The following STPG2 variants were observed in gnomAD, a reference collection of about 807,000 sequenced individuals.
STPG2 encodes the protein sperm tail PG-rich repeat containing 2.
A neutral mutation model predicts 54.2 loss-of-function variants in STPG2; 56 were observed. That is an observed-to-expected ratio of 1.03 (90% CI 0.83 to 1.29). STPG2 has a LOEUF of 1.29. STPG2 is among the 50% of genes most tolerant of loss of function. The pLI is 0.00. For synonymous variants in STPG2, 200 were observed against 181.8 expected (o/e 1.10, Z -0.81); for missense variants, 596 against 544.9 (o/e 1.09, Z -0.93).
At chr4:98,053,474 A>T (rs1737388535) in intron 5 of STPG2, among the ~76,000 whole-genome samples, 1 of 152,144 alleles carries the variant, frequency 6.6e-6, no homozygotes, top group Admixed American at 6.6e-5. Context: ...TATTAGAGCC[A>T]TTAACTATAG....
intron 8 of STPG2, among the ~76,000 whole-genome samples, chr4:97,940,699 T>C (rs1732943187): frequency 6.6e-6 from 1 of 152,200 alleles, no homozygotes; most frequent in Non-Finnish European, 1.5e-5. Flanking sequence ...TCAGCTCCTG[T>C]ATCACTTTAT....
intron 5 of STPG2, chr4:98,026,281 C>T: frequency 1.3e-6 from 1 of 741,734 alleles, no homozygotes; most frequent in Non-Finnish European, 2.3e-6. Context: ...AAACAATTTT[C>T]TATGAAGATT....
At chr4:97,542,547 T>C (rs974850308) in intron 4 of STPG2, among the ~76,000 whole-genome samples, 7 of 152,222 alleles carry the variant, frequency 4.6e-5, no homozygotes, top group Non-Finnish European at 8.8e-5. Flanking sequence ...TCAACCATTA[T>C]GGAAGACAGT....
At chr4:97,451,702 T>C (rs1269906974) in intron 4 of STPG2, among the ~76,000 whole-genome samples, 1 of 152,162 alleles carries the variant, frequency 6.6e-6, no homozygotes, top group Non-Finnish European at 1.5e-5. Context: ...CAAAGGATTA[T>C]AAGACAAATC....
At chr4:97,546,523 A>G (rs1341782746) in intron 4 of STPG2, among the ~76,000 whole-genome samples, 2 of 152,152 alleles carry the variant, frequency 1.3e-5, no homozygotes, top group Admixed American at 1.3e-4. Context: ...CAGTAATCTG[A>G]TAAGTTAGAA....
intron 8 of STPG2, among the ~76,000 whole-genome samples, chr4:97,934,230 T>G (rs188625077): frequency 2.0e-5 from 3 of 152,338 alleles, no homozygotes; most frequent in Non-Finnish European, 2.9e-5. Flanking sequence ...GAGACTTTGC[T>G]GAAGTTCCTT....
At chr4:98,125,466 T>C (rs60411337) in intron 3 of STPG2, among the ~76,000 whole-genome samples, 59,704 of 151,570 alleles carry the variant, frequency 0.39, 11,948 homozygotes, top group Middle Eastern at 0.45. Context: ...ACACCCTATT[T>C]GCCTAGGTCC....
chr4:97,926,470 T>G (rs1325841334), intron 8 of STPG2, among the ~76,000 whole-genome samples: 4 of 152,148 alleles, frequency 2.6e-5, no homozygotes, highest in Non-Finnish European at 4.4e-5. Flanking sequence ...TGCTTTTATA[T>G]CTCTGCCATC....
chr4:97,512,455 C>T (rs1344579503), intron 4 of STPG2, among the ~76,000 whole-genome samples: 2 of 152,020 alleles, frequency 1.3e-5, no homozygotes, highest in African/African-American at 2.4e-5. Context: ...AGCTTGGAAG[C>T]ACTTGGGAAA....
chr4:97,968,095 A>C (rs989886262), intron 7 of STPG2, among the ~76,000 whole-genome samples: 2 of 152,290 alleles, frequency 1.3e-5, no homozygotes, highest in East Asian at 1.9e-4. Context: ...AAGATCAACA[A>C]AATTGAGACA....
At chr4:97,822,838 G>A (rs1313056676) in intron 9 of STPG2, among the ~76,000 whole-genome samples, 3 of 152,126 alleles carry the variant, frequency 2.0e-5, no homozygotes, top group African/African-American at 7.2e-5. Context: ...TTCCCACCAG[G>A]CACCATCTCC....
At chr4:97,446,597 A>C (rs1729227488) in intron 4 of STPG2, among the ~76,000 whole-genome samples, 1 of 152,158 alleles carries the variant, frequency 6.6e-6, no homozygotes, top group African/African-American at 2.4e-5. Flanking sequence ...GGGAGGGACC[A>C]GGTGGGAGGT....
intron 10 of STPG2, among the ~76,000 whole-genome samples, chr4:97,658,636 G>A (rs563356379): frequency 1.1e-3 from 165 of 152,300 alleles, no homozygotes; most frequent in African/African-American, 3.9e-3. Flanking sequence ...AAAGAAAGAG[G>A]CCAAGAGAGA....
intron 5 of STPG2, among the ~76,000 whole-genome samples, chr4:97,992,950 G>C (rs1735068102): frequency 6.6e-6 from 1 of 152,138 alleles, no homozygotes; most frequent in South Asian, 2.1e-4. Flanking sequence ...AAACTTTGCT[G>C]AATTCATTTA....
Position 97,902,046 on chromosome 4 carries a change from A to G in STPG2, c.1044+41851T>C, listed in dbSNP as rs532195200. Among the ~76,000 whole-genome samples, 149 of 152,256 alleles carry G rather than the reference A, an allele frequency of 9.8e-4. 1 individual carries two copies. Among genetic ancestry groups the G allele is most frequent in the Non-Finnish European group, 1.7e-3 (116 of 67,940 alleles). The stretch of plus-strand genomic sequence containing the variant: ...TCTTTGGCAAAATCACCAAAAATGA[A>G]TGATATAGAAAGGATATTCTCTTCA... On this transcript the variant is annotated intron_variant, in intron 8 of 10. Transcript: ENST00000295268.
At chr4:97,613,558 T>C (rs549068972) in intron 10 of STPG2, among the ~76,000 whole-genome samples, 2 of 150,666 alleles carry the variant, frequency 1.3e-5, no homozygotes, top group South Asian at 4.2e-4. Flanking sequence ...ATGGGGGGCA[T>C]GGTTTACATT....
At chr4:97,904,141 G>C (rs1008015315) in intron 8 of STPG2, among the ~76,000 whole-genome samples, 6 of 152,192 alleles carry the variant, frequency 3.9e-5, no homozygotes, top group South Asian at 4.1e-4. Flanking sequence ...TCCACCTCTG[G>C]GGGCAGGGCA....
intron 7 of STPG2, among the ~76,000 whole-genome samples, chr4:97,947,197 A>G (rs1418581006): frequency 6.6e-6 from 1 of 152,118 alleles, no homozygotes; most frequent in African/African-American, 2.4e-5. Context: ...TTGTTGGTGT[A>G]TATCAGTGTT....
intron 5 of STPG2, among the ~76,000 whole-genome samples, chr4:98,064,472 G>A (rs17483788): frequency 0.39 from 59,968 of 152,002 alleles, 12,056 homozygotes; most frequent in Middle Eastern, 0.46. Flanking sequence ...TTTGTGTAGT[G>A]ACTAAGACCC....
Sources: gnomAD v4.1 joint callset for allele counts (sites outside exome capture counted in the v4.1 genomes callset) on GRCh38, gnomAD v4.1.1 for gene constraint, MANE v1.5 for transcripts, NCBI Gene and HGNC (gene_info 2026-07-23, HGNC 2026-07-21) for gene names.